The following PGAM1 variants were observed in gnomAD, a reference collection of about 807,000 sequenced individuals.
The protein encoded by PGAM1 is BPG-dependent PGAM 1.
Under a neutral mutation model 23.5 loss-of-function variants are expected in PGAM1, and 21 were observed. The observed-to-expected ratio is 0.89, with a 90% CI of 0.63 to 1.29. The LOEUF is 1.29. Among genes scored for constraint, PGAM1 ranks in the 50% most tolerant of loss-of-function variants. The pLI, the probability that PGAM1 is intolerant of heterozygous loss-of-function variation, is 0.00. For missense variants in PGAM1, 232 were observed against 336.3 expected (o/e 0.69, Z 2.42); for synonymous variants, 109 against 128.6 (o/e 0.85, Z 1.03).
In PGAM1 at chr10:97,426,271, C is replaced by T. The variant is rs1432662482; in HGVS notation, c.-37C>T. 2 of 1,609,780 alleles carry T rather than the reference C, an allele frequency of 1.2e-6. No homozygotes were observed. The highest frequency in any genetic ancestry group is 8.5e-7 in the Non-Finnish European group (1 of 1,179,106). On this transcript the variant is annotated 5_prime_UTR_variant, in exon 1 of 4. Coordinates refer to ENST00000334828, the MANE Select transcript of PGAM1 (RefSeq NM_002629.4). Reference sequence around the variant, plus strand: ...GGGCGGGCTGCTACTCCGGAATCTGCTAATCCCAGTCGGTGCCGCATCCCC... The same window carrying T: ...GGGCGGGCTGCTACTCCGGAATCTGTTAATCCCAGTCGGTGCCGCATCCCC...
At chr10:97,428,225 T>A (rs1393198209) in intron 1 of PGAM1, among the ~76,000 whole-genome samples, 1 of 152,222 alleles carries the variant, frequency 6.6e-6, no homozygotes, top group East Asian at 1.9e-4. Context: ...AATTAAAAAT[T>A]TAACAGTATA....
intron 1 of PGAM1, among the ~76,000 whole-genome samples, chr10:97,428,522 T>C (rs1430649484): frequency 6.6e-6 from 1 of 152,176 alleles, no homozygotes; most frequent in South Asian, 2.1e-4. Context: ...TCAGGTTCTC[T>C]GTTAAGAATC....
chr10:97,430,698 C>G, intron 2 of PGAM1, 45 bp downstream of exon 2: 2 of 1,601,340 alleles, frequency 1.2e-6, no homozygotes, highest in Non-Finnish European at 1.7e-6. Flanking sequence ...GGATCAGGGG[C>G]TTTTAGTAGT....
At chr10:97,430,043 C>CA (rs71814636) in intron 1 of PGAM1, among the ~76,000 whole-genome samples, 3,034 of 68,622 alleles carry the variant, frequency 0.044, 99 homozygotes, top group African/African-American at 0.11. Context: ...GACTCCGTCT[C>CA]AAAAAAAAAA....
intron 1 of PGAM1, chr10:97,428,056 C>G: frequency 1.7e-6 from 1 of 603,730 alleles, no homozygotes; most frequent in South Asian, 1.7e-5. Flanking sequence ...TTTTCTTTAG[C>G]TCTGTGGCAG....
rs991374838 is a variant in PGAM1 at position 97,433,273 on chromosome 10, T to G, written c.*749T>G. ...TGTGTATTAGAATCCCTTCCTGCCT[T>G]GTTTCATGGCAGTGAAATGCCTCTT... On this transcript the variant is annotated 3_prime_UTR_variant, in exon 4 of 4. Coordinates refer to ENST00000334828, the MANE Select transcript of PGAM1 (RefSeq NM_002629.4). 3.3e-5 allele frequency: 5 copies of G among 151,340 alleles called. No individual in the cohort carries two copies. Among genetic ancestry groups the G allele is most frequent in the African/African-American group, 1.2e-4 (5 of 40,992 alleles). The allele number at this position is 151,340 out of a possible 1,614,324, so 9.4% of individuals were successfully genotyped here. A position where few individuals can be genotyped will look rare whatever the true frequency, so the allele number is the denominator to read the frequency against.
intron 1 of PGAM1, chr10:97,427,316 T>C: frequency 2.0e-6 from 2 of 986,720 alleles, no homozygotes; most frequent in Non-Finnish European, 2.4e-6. Context: ...CGCGTGGTTG[T>C]GCAGGTCTTT....
Position 97,430,552 on chromosome 10 carries a change from G to C in PGAM1, c.313G>C (p.Ala105Pro). Residue 105 changes from alanine (A) to proline (P), a missense_variant, in exon 2 of 4, where the codon GCA (alanine) becomes CCA (proline). By Grantham distance (27) the Ala-to-Pro change is conservative. Coordinates refer to ENST00000334828, the MANE Select transcript of PGAM1 (RefSeq NM_002629.4). The stretch of plus-strand genomic sequence containing the variant: ...CGGTCTCAATAAAGCAGAAACTGCT[G>C]CAAAGCATGGTGAGGCCCAGGTGAA... ...LTGLNKAETA[A>P]KHGEAQVKIW... is the part of the protein sequence containing the mutation. 6.2e-7 allele frequency: 1 copy of C among 1,600,862 alleles called. No individual in the cohort carries two copies. Among genetic ancestry groups the C allele is most frequent in the Non-Finnish European group, 8.5e-7 (1 of 1,179,862 alleles).
chr10:97,430,768 T>C, intron 2 of PGAM1, 115 bp downstream of exon 2: 1 of 1,522,880 alleles, frequency 6.6e-7, no homozygotes, highest in Non-Finnish European at 9.0e-7. Flanking sequence ...TAATCCTTCC[T>C]TCTCCAGTGA....
In PGAM1 at chr10:97,426,362, G is replaced by C. The variant is rs1845409490; in HGVS notation, c.55G>C (p.Glu19Gln). The change falls in exon 1 of 4, where the codon GAG (glutamate) becomes CAG (glutamine). Residue 19 changes from glutamate (E) to glutamine (Q), a missense_variant. Transcript: ENST00000334828. Reference sequence around the variant, plus strand: ...GCACGGCGAGAGCGCATGGAACCTGGAGAACCGCTTCAGCGGCTGGTACGA... The same window carrying C: ...GCACGGCGAGAGCGCATGGAACCTGCAGAACCGCTTCAGCGGCTGGTACGA... ...IRHGESAWNL[E>Q]NRFSGWYDAD... 6.2e-7 allele frequency: 1 copy of C among 1,609,796 alleles called. No individual in the cohort carries two copies. The highest frequency in any genetic ancestry group is 1.3e-5 in the African/African-American group (1 of 74,722).
At chr10:97,427,194 C>T in intron 1 of PGAM1, 1 of 836,640 alleles carries the variant, frequency 1.2e-6, no homozygotes, top group Non-Finnish European at 1.4e-6. Flanking sequence ...TAACCAAGGC[C>T]TCTCAAGAGG....
In PGAM1 at chr10:97,431,049, A is replaced by C; in HGVS notation, c.509A>C (p.Glu170Ala). 6.2e-7 allele frequency: 1 copy of C among 1,614,128 alleles called. No individual in the cohort carries two copies. Among genetic ancestry groups the C allele is most frequent in the Non-Finnish European group, 8.5e-7 (1 of 1,179,998 alleles). ...IARALPFWNE[E>A]IVPQIKEGKR... ...AGAGCTCTGCCCTTCTGGAATGAAG[A>C]AATAGTTCCCCAGATCAAGGAGGGG... The change falls in exon 3 of 4, where the codon GAA (glutamate) becomes GCA (alanine). Residue 170 changes from glutamate (E) to alanine (A), a missense_variant. Glu to Ala is a moderately radical substitution (Grantham distance 107). Around this residue, in one of 3 missense-constraint regions of PGAM1, gnomAD observed 191 missense variants for 241.7 expected, o/e 0.79. Coordinates refer to ENST00000334828, the MANE Select transcript of PGAM1 (RefSeq NM_002629.4).
chr10:97,427,329 T>G, intron 1 of PGAM1: 4 of 987,832 alleles, frequency 4.0e-6, no homozygotes, highest in Non-Finnish European at 4.8e-6. Context: ...AGGTCTTTGC[T>G]GTTCAGTAGC....
In PGAM1 at chr10:97,427,520, T is replaced by A. The variant is rs995532093; in HGVS notation, c.139+1074T>A. On this transcript the variant is annotated intron_variant, in intron 1 of 3. Transcript: ENST00000334828. Reference sequence around the variant, plus strand: ...GAAAGATGACTTGTCCAAGGTCATATCTGATTCCTAGTCCAGTGTCCTCGC... The same window carrying A: ...GAAAGATGACTTGTCCAAGGTCATAACTGATTCCTAGTCCAGTGTCCTCGC... The A allele has an allele frequency of 2.8e-6, 3 of 1,075,568 alleles. No individual in the cohort carries two copies. The African/African-American group carries it at 5.0e-5, about 18-fold the overall frequency. The allele number at this position is 1,075,568 out of a possible 1,614,324, so 66.6% of individuals were successfully genotyped here.
chr10:97,429,988 G>A (rs1387464516), intron 1 of PGAM1, among the ~76,000 whole-genome samples: 2 of 150,268 alleles, frequency 1.3e-5, no homozygotes, highest in African/African-American at 4.9e-5. Context: ...GGAGGTTGCA[G>A]TGAGCCGAGA....
In PGAM1 at chr10:97,432,464, T is replaced by C. The variant is rs1473763474; in HGVS notation, c.705T>C (p.Asp235=). 5 of 1,610,258 alleles carry C rather than the reference T, an allele frequency of 3.1e-6. No homozygotes were observed. In the African/African-American group the frequency reaches 6.7e-5, roughly 22 times the overall value. ...KPIKPMQFLG[D]EETVRKAMEA... ...TCAAGCCCATGCAGTTTCTGGGGGA[T>C]GAAGAGACGGTGCGCAAAGCCATGG... Residue 235 remains aspartate, a synonymous_variant, in exon 4 of 4, where the codon GAT becomes GAC. Transcript: ENST00000334828.
intron 1 of PGAM1, chr10:97,427,498 A>G (rs1339321615): frequency 9.7e-7 from 1 of 1,026,210 alleles, no homozygotes; most frequent in Admixed American, 5.4e-5. Flanking sequence ...GTATTTGGAA[A>G]GATGACTTGT....
rs1406611293 is a variant in PGAM1, at chr10:97,433,329, T to C, written c.*805T>C. On this transcript the variant is annotated 3_prime_UTR_variant, in exon 4 of 4. Transcript: ENST00000334828. ...TGTCCAAGTGTATCTTTCACTGATT[T>C]CTGAATCATGTTCTAGTTGCTTGAC... 2.0e-5 allele frequency: 3 copies of C among 152,082 alleles called. No homozygotes were observed. The highest frequency in any genetic ancestry group is 4.4e-5 in the Non-Finnish European group (3 of 67,914). 9.4% of individuals were successfully genotyped at this position (152,082 alleles called of 1,614,324 possible). A position where few individuals can be genotyped will look rare whatever the true frequency, so the allele number is the denominator to read the frequency against.
At chr10:97,430,229 G>A (rs988067602) in intron 1 of PGAM1, 150 bp from the exon 2 acceptor site, 20 of 920,144 alleles carry the variant, frequency 2.2e-5, no homozygotes, top group Non-Finnish European at 2.8e-5. Context: ...CTTGGATAGA[G>A]TGCAAGGATA....
Sources: allele counts gnomAD v4.1 joint callset (sites outside exome capture counted in the v4.1 genomes callset), GRCh38; gene constraint gnomAD v4.1.1; regional missense constraint gnomAD v4.1.1; transcripts MANE v1.5; gene names NCBI Gene and HGNC (gene_info 2026-07-23, HGNC 2026-07-21).